SHTN1: variants seen among roughly 807,000 people sequenced by gnomAD.
The protein encoded by SHTN1 is shootin 1.
Under a neutral mutation model 83.1 loss-of-function variants are expected in SHTN1, and 42 were observed. The observed-to-expected ratio is 0.51, with a 90% CI of 0.39 to 0.65. SHTN1 has a LOEUF of 0.65. SHTN1 is among the 30% of genes least tolerant of loss of function. The probability of loss-of-function intolerance (pLI) is 0.00; values close to 1 mark genes in which losing one functional copy is unlikely to be tolerated. For synonymous variants in SHTN1, 224 were observed against 247.7 expected, an observed-to-expected ratio of 0.90 and a Z score of 0.90; for missense variants, 622 against 737.8, an observed-to-expected ratio of 0.84 and a Z score of 1.82.
intron 1 of SHTN1, among the ~76,000 whole-genome samples, chr10:116,982,598 G>A (rs1403161150): frequency 5.3e-5 from 8 of 152,174 alleles, no homozygotes; most frequent in Non-Finnish European, 1.5e-5. Context: ...TTTAAAAACT[G>A]AGCTTGCACA....
At chr10:117,038,405 G>A (rs1306815689) in intron 2 of SHTN1, among the ~76,000 whole-genome samples, 2 of 151,646 alleles carry the variant, frequency 1.3e-5, no homozygotes, top group Non-Finnish European at 2.9e-5. Flanking sequence ...CTCCCAAAAT[G>A]CTGGGATTAC....
rs577693114 is a variant in SHTN1 at position 116,925,836 on chromosome 10, C to T, written c.1112+1956G>A. Among the ~76,000 whole-genome samples the T allele has an allele frequency of 8.5e-5, 13 of 152,154 alleles. No individual in the cohort carries two copies. The South Asian group carries it at 2.3e-3, about 27-fold the overall frequency. On this transcript the variant is annotated intron_variant, in intron 11 of 16. Coordinates refer to ENST00000355371, the MANE Select transcript of SHTN1 (RefSeq NM_001127211.3). ...CAGTAAGCCACTTAAGCTACAGGCCCTAGTCTTTTTTTTTCTTCCCACTTT... is the reference window on the plus strand; with the variant it reads ...CAGTAAGCCACTTAAGCTACAGGCCTTAGTCTTTTTTTTTCTTCCCACTTT...
At chr10:117,101,918 A>C (rs1043955038) in intron 1 of SHTN1, among the ~76,000 whole-genome samples, 1 of 152,098 alleles carries the variant, frequency 6.6e-6, no homozygotes, top group Non-Finnish European at 1.5e-5. Flanking sequence ...GCATCAAAGT[A>C]TACCTTTCTT....
intron 14 of SHTN1, chr10:116,907,934 T>C (rs369490687): frequency 1.9e-6 from 1 of 517,160 alleles, no homozygotes; most frequent in Non-Finnish European, 3.9e-6. Context: ...AGGATTCTAA[T>C]AATTCTACTG....
At position 116,882,967 on chromosome 10, in the gene SHTN1, A is replaced by AAT. The variant is rs1439080568; in HGVS notation, c.*3375_*3376dup. On this transcript the variant is annotated 3_prime_UTR_variant, in exon 17 of 17. Coordinates refer to ENST00000355371, the MANE Select transcript of SHTN1 (RefSeq NM_001127211.3). ...CTGGGTGTTCACATACCCTTTGAAA[A>AAT]ATACACACACACACACACACACACA... 7.3e-6 allele frequency: 1 copy of AAT among 136,666 alleles called. No individual in the cohort carries two copies. The highest frequency in any genetic ancestry group is 2.0e-4 in the East Asian group (1 of 4,984). 8.5% of individuals were successfully genotyped at this position (136,666 alleles called of 1,614,324 possible).
chr10:117,125,074 G>C (rs951703684), intron 1 of SHTN1, among the ~76,000 whole-genome samples: 6 of 152,138 alleles, frequency 3.9e-5, no homozygotes, highest in African/African-American at 1.4e-4. Flanking sequence ...AAGCAACCTG[G>C]CCTCAAAGCC....
intron 9 of SHTN1, among the ~76,000 whole-genome samples, chr10:116,940,226 C>T (rs1181223126): frequency 1.3e-5 from 2 of 152,164 alleles, no homozygotes; most frequent in African/African-American, 4.8e-5. Context: ...TCTTCCGACC[C>T]TTTGGACAGT....
intron 2 of SHTN1, among the ~76,000 whole-genome samples, chr10:117,040,738 A>C (rs1408325767): frequency 6.6e-6 from 1 of 152,166 alleles, no homozygotes; most frequent in East Asian, 1.9e-4. Context: ...TGTGGTGTTT[A>C]CTATGGTCTG....
At chr10:116,959,306 G>T (rs184917301) in intron 4 of SHTN1, among the ~76,000 whole-genome samples, 1 of 152,168 alleles carries the variant, frequency 6.6e-6, no homozygotes, top group Non-Finnish European at 1.5e-5. Context: ...CTAATGTAGT[G>T]TTGTTATGCA....
intron 1 of SHTN1, among the ~76,000 whole-genome samples, chr10:117,120,781 G>A (rs924765276): frequency 9.9e-5 from 15 of 151,364 alleles, no homozygotes; most frequent in African/African-American, 3.6e-4. Context: ...AAATATTTCA[G>A]GTGATAGATA....
intron 1 of SHTN1, among the ~76,000 whole-genome samples, chr10:117,095,811 T>C (rs1326131770): frequency 1.3e-5 from 2 of 152,210 alleles, no homozygotes; most frequent in East Asian, 1.9e-4. Flanking sequence ...ATTCCCACTG[T>C]AGTCTTTTGG....
At position 116,883,378 on chromosome 10, in the gene SHTN1, G is replaced by A. The variant is rs1205588078; in HGVS notation, c.*2966C>T. ...CCAAATTAAAATGACTGTGGGATAG[G>A]GACATGTTAGTGCTTGGAAGAGAAA... On this transcript the variant is annotated 3_prime_UTR_variant, in exon 17 of 17. Transcript: ENST00000355371. 1 of 152,106 alleles carries A rather than the reference G, an allele frequency of 6.6e-6. No individual in the cohort carries two copies. The highest frequency in any genetic ancestry group is 1.5e-5 in the Non-Finnish European group (1 of 68,020). 9.4% of individuals were successfully genotyped at this position (152,106 alleles called of 1,614,324 possible).
chr10:116,993,017 C>CTT (rs35364697), intron 1 of SHTN1, among the ~76,000 whole-genome samples: 2,130 of 121,160 alleles, frequency 0.018, 82 homozygotes, highest in East Asian at 0.04. Context: ...TCTTTTTTTT[C>CTT]TTTTTTTTTT....
intron 1 of SHTN1, among the ~76,000 whole-genome samples, chr10:116,983,543 T>G (rs1851105087): frequency 6.6e-6 from 1 of 152,088 alleles, no homozygotes; most frequent in African/African-American, 2.4e-5. Flanking sequence ...CACATTAAAA[T>G]CACCTGCGGG....
At chr10:117,095,250 T>C (rs1380944207) in intron 1 of SHTN1, among the ~76,000 whole-genome samples, 2 of 152,186 alleles carry the variant, frequency 1.3e-5, no homozygotes, top group East Asian at 3.9e-4. Context: ...ACACCTGCAT[T>C]TCATACCCTA....
intron 1 of SHTN1, among the ~76,000 whole-genome samples, chr10:117,056,791 A>G (rs1295268700): frequency 2.0e-5 from 3 of 152,194 alleles, no homozygotes; most frequent in Non-Finnish European, 2.9e-5. Context: ...AGCCTAGGCA[A>G]TAGAGAGAGA....
intron 1 of SHTN1, among the ~76,000 whole-genome samples, chr10:117,067,626 A>AAATCAATC (rs1033598135): frequency 1.4e-4 from 22 of 152,158 alleles, no homozygotes; most frequent in African/African-American, 4.6e-4. Context: ...AAAAATTTTA[A>AAATCAATC]AATCAATCAA....
intron 1 of SHTN1, among the ~76,000 whole-genome samples, chr10:116,990,446 T>A (rs1020673183): frequency 2.0e-4 from 31 of 152,262 alleles, no homozygotes; most frequent in African/African-American, 6.7e-4. Flanking sequence ...CAGATTTGTA[T>A]CAGGCAGCAG....
intron 1 of SHTN1, among the ~76,000 whole-genome samples, chr10:117,085,544 T>C (rs750440765): frequency 5.9e-5 from 9 of 152,228 alleles, no homozygotes; most frequent in Non-Finnish European, 1.2e-4. Context: ...GCTCAGAATG[T>C]GGTCTACCTT....
Sources: allele counts gnomAD v4.1 joint callset (sites outside exome capture counted in the v4.1 genomes callset), GRCh38; gene constraint gnomAD v4.1.1; transcripts MANE v1.5; gene names NCBI Gene and HGNC (gene_info 2026-07-23, HGNC 2026-07-21).